Variants in ANKRD13C observed in about 807,000 individuals in gnomAD.
The protein encoded by ANKRD13C is ankyrin repeat domain-containing protein 13C.
A neutral mutation model predicts 65.5 loss-of-function variants in ANKRD13C; 16 were observed. That is an observed-to-expected ratio of 0.24 (90% CI 0.17 to 0.37). The LOEUF (loss-of-function observed/expected upper bound fraction) is 0.37. Ranked by LOEUF, ANKRD13C falls within the 10% of genes least tolerant of loss-of-function variation. The pLI is 1.00. For missense variants in ANKRD13C, 503 were observed against 655.9 expected, an observed-to-expected ratio of 0.77 and a Z score of 2.55; for synonymous variants, 235 against 238.7, an observed-to-expected ratio of 0.98 and a Z score of 0.14.
At chr1:70,291,425 A>G (rs563302464) in intron 9 of ANKRD13C, among the ~76,000 whole-genome samples, 70 of 152,248 alleles carry the variant, frequency 4.6e-4, no homozygotes, top group Non-Finnish European at 9.4e-4. Context: ...TTAAGAATGC[A>G]TCTAAATTCA....
intron 9 of ANKRD13C, among the ~76,000 whole-genome samples, chr1:70,290,310 A>G (rs1055310897): frequency 6.6e-6 from 1 of 152,252 alleles, no homozygotes; most frequent in African/African-American, 2.4e-5. Context: ...CATCACTAAA[A>G]CATAGAATCC....
chr1:70,326,583 T>C (rs976890162), intron 2 of ANKRD13C, among the ~76,000 whole-genome samples: 2 of 152,124 alleles, frequency 1.3e-5, no homozygotes, highest in Non-Finnish European at 2.9e-5. Flanking sequence ...ATCACAATAA[T>C]GTAAAATAAA....
chr1:70,342,978 T>C (rs1682380294), intron 1 of ANKRD13C, among the ~76,000 whole-genome samples: 1 of 152,194 alleles, frequency 6.6e-6, no homozygotes. Flanking sequence ...GTGGCCGTGC[T>C]CCTGGATAAT....
intron 7 of ANKRD13C, among the ~76,000 whole-genome samples, chr1:70,300,124 G>C (rs1365759902): frequency 6.6e-6 from 1 of 152,052 alleles, no homozygotes; most frequent in African/African-American, 2.4e-5. Flanking sequence ...ATTAAAAGAA[G>C]GTAAGATAAA....
At chr1:70,315,274 G>T (rs1249494483) in intron 4 of ANKRD13C, among the ~76,000 whole-genome samples, 1 of 151,902 alleles carries the variant, frequency 6.6e-6, no homozygotes, top group Non-Finnish European at 1.5e-5. Flanking sequence ...TTTATTGAAA[G>T]TAATAAATCT....
chr1:70,354,253 C>G lies in ANKRD13C; in HGVS notation c.156G>C (p.Lys52Asn). 6.2e-7 allele frequency: 1 copy of G among 1,613,590 alleles called. No individual in the cohort carries two copies. The highest frequency in any genetic ancestry group is 1.3e-5 in the African/African-American group (1 of 75,040). The change falls in exon 1 of 13, where the codon AAG (lysine) becomes AAC (asparagine). Residue 52 changes from lysine to asparagine, a missense_variant. Physicochemically the swap from Lys to Asn is moderately conservative, Grantham distance 94 (BLOSUM62 0). Coordinates refer to ENST00000370944, the MANE Select transcript of ANKRD13C (RefSeq NM_030816.5). ...RIGKGGKACH[K>N]IFSNHHHRLQ... ...GCCGGTGGTGATGGTTACTGAAGAT[C>G]TTATGACAAGCTTTGCCGCCCTTGC...
At chr1:70,262,943 TAAAAAAAAAAA>T (rs34241203) in intron 12 of ANKRD13C, 96 bp from the exon 13 acceptor site, 1 of 438,450 alleles carries the variant, frequency 2.3e-6, no homozygotes, top group African/African-American at 2.5e-5. Context: ...CCTTAAAATG[TAAAAAAAAAAA>T]AAAAAATACT....
At chr1:70,345,424 C>G (rs866645594) in intron 1 of ANKRD13C, among the ~76,000 whole-genome samples, 1 of 150,038 alleles carries the variant, frequency 6.7e-6, no homozygotes, top group Non-Finnish European at 1.5e-5. Flanking sequence ...AGCAATATTC[C>G]GTCTCAAAAA....
At chr1:70,325,500 CA>C (rs1281152309) in intron 2 of ANKRD13C, among the ~76,000 whole-genome samples, 1 of 152,158 alleles carries the variant, frequency 6.6e-6, no homozygotes, top group African/African-American at 2.4e-5. Flanking sequence ...GATACAACGA[CA>C]AATCTAGATA....
chr1:70,269,319 A>G (rs1378219726), intron 12 of ANKRD13C, among the ~76,000 whole-genome samples: 1 of 152,166 alleles, frequency 6.6e-6, no homozygotes, highest in Non-Finnish European at 1.5e-5. Flanking sequence ...TAATGAAAAT[A>G]TTTCCTTTGC....
At position 70,306,130 on chromosome 1, in the gene ANKRD13C, G is replaced by A. The variant is rs144250216; in HGVS notation, c.776+94C>T. 157 of 793,680 alleles carry A rather than the reference G, an allele frequency of 2.0e-4. No individual in the cohort carries two copies. The African/African-American group carries it at 2.5e-3, about 13-fold the overall frequency. The allele number at this position is 793,680 out of a possible 1,614,324, so 49.2% of individuals were successfully genotyped here. ...TGTGACTCTGTTACAGCATTTTAAC[G>A]TCATAAAACACATGTAAGTTATGAT... On this transcript the variant is annotated intron_variant, in intron 6 of 12. Transcript: ENST00000370944.
In ANKRD13C at chr1:70,296,171, TGAAA is replaced by T; in HGVS notation, c.1008_1011del (p.Phe337ArgfsTer17). 6.2e-7 allele frequency: 1 copy of T among 1,614,012 alleles called. No individual in the cohort carries two copies. The highest frequency in any genetic ancestry group is 8.5e-7 in the Non-Finnish European group (1 of 1,179,944). On this transcript the variant is annotated frameshift_variant, in exon 8 of 13. Transcript: ENST00000370944. LOFTEE classifies it high-confidence loss of function. ...AAAAGCCATCCTGTCTGGGCACGCG[TGAAA>T]GAAATTGATTTTGTTGATAAAGTTG...
chr1:70,352,694 G>T (rs1389980242), intron 1 of ANKRD13C, among the ~76,000 whole-genome samples: 1 of 152,116 alleles, frequency 6.6e-6, no homozygotes, highest in African/African-American at 2.4e-5. Flanking sequence ...TTTCCAAAGG[G>T]CTAGCATAGA....
Position 70,292,435 on chromosome 1 carries a change from T to C in ANKRD13C, c.1168A>G (p.Met390Val). The C allele has an allele frequency of 4.4e-6, 7 of 1,607,242 alleles. No homozygotes were observed. Among genetic ancestry groups the C allele is most frequent in the Non-Finnish European group, 5.9e-6 (7 of 1,178,346 alleles). ...EEDILRNKAI[M>V]ESLSKGGNIM... is the part of the protein sequence containing the mutation. ...TTTCCACCTTTACTCAAACTCTCCA[T>C]GATGGCCTTATTTCGAAGAATATCC... Residue 390 changes from methionine (M) to valine (V), a missense_variant, in exon 9 of 13, where the codon ATG becomes GTG. By Grantham distance (21) the Met-to-Val change is conservative (BLOSUM62 1). Around this residue, in one of 2 missense-constraint regions of ANKRD13C, gnomAD observed 300 missense variants for 478.3 expected, o/e 0.63. Coordinates refer to ENST00000370944, the MANE Select transcript of ANKRD13C (RefSeq NM_030816.5).
At position 70,260,642 on chromosome 1, in the gene ANKRD13C, T is replaced by C. The variant is rs1057003201; in HGVS notation, c.*2075A>G. On this transcript the variant is annotated 3_prime_UTR_variant, in exon 13 of 13. Transcript: ENST00000370944. ...ATTTGCATCGATTAATTCCTTTTTT[T>C]CACCATCATAAGAGATATTGACATT... is the stretch of plus-strand genomic sequence containing the variant. 3.9e-5 allele frequency: 6 copies of C among 152,160 alleles called. No homozygotes were observed. The highest frequency in any genetic ancestry group is 1.4e-4 in the African/African-American group (6 of 41,446). 9.4% of individuals were successfully genotyped at this position (152,160 alleles called of 1,614,324 possible).
At chr1:70,273,014 T>TAAATA (rs892848655) in intron 11 of ANKRD13C, among the ~76,000 whole-genome samples, 3 of 150,904 alleles carry the variant, frequency 2.0e-5, no homozygotes, top group African/African-American at 7.3e-5. Flanking sequence ...AATAAATAAA[T>TAAATA]AAATAAATAA....
intron 2 of ANKRD13C, 57 bp from the exon 3 acceptor site, chr1:70,325,014 T>C: frequency 5.2e-6 from 6 of 1,152,862 alleles, no homozygotes; most frequent in South Asian, 3.2e-5. Context: ...AATCTCTAAA[T>C]ATAAATATAT....
At position 70,306,265 on chromosome 1, in the gene ANKRD13C, A is replaced by G; in HGVS notation, c.735T>C (p.Pro245=). The G allele has an allele frequency of 6.3e-7, 1 of 1,581,576 alleles. No individual in the cohort carries two copies. The highest frequency in any genetic ancestry group is 8.6e-7 in the Non-Finnish European group (1 of 1,161,884). Residue 245 remains proline (P), a synonymous_variant, in exon 6 of 13, where the codon CCT becomes CCC. Coordinates refer to ENST00000370944, the MANE Select transcript of ANKRD13C (RefSeq NM_030816.5). ...SWVPLLSRIL[P]SDACKIYKQG... ...GTTTGTATATTTTACATGCATCGGAAGGCAGAATTCGGGAAAGTAAAGGCA... is the reference window on the plus strand; with the variant it reads ...GTTTGTATATTTTACATGCATCGGAGGGCAGAATTCGGGAAAGTAAAGGCA...
intron 7 of ANKRD13C, among the ~76,000 whole-genome samples, chr1:70,296,654 C>A (rs1399593659): frequency 6.6e-6 from 1 of 152,142 alleles, no homozygotes; most frequent in African/African-American, 2.4e-5. Flanking sequence ...GGATATTTTT[C>A]TTTCAATACA....
Sources: allele counts gnomAD v4.1 joint callset (sites outside exome capture counted in the v4.1 genomes callset), GRCh38; gene constraint gnomAD v4.1.1; regional missense constraint gnomAD v4.1.1; transcripts MANE v1.5; gene names NCBI Gene and HGNC (gene_info 2026-07-23, HGNC 2026-07-21).